Variants in CNKSR2 observed in about 807,000 individuals in gnomAD.
CNKSR2 encodes the protein CNK homolog protein 2.
A neutral mutation model predicts 84.4 loss-of-function variants in CNKSR2; 14 were observed. The ratio of observed to expected loss-of-function variants is 0.17; its 90% CI spans 0.11 to 0.26. The LOEUF (loss-of-function observed/expected upper bound fraction) is 0.26. Among genes scored for constraint, CNKSR2 ranks in the 10% least tolerant of loss-of-function variants. The pLI, the probability that CNKSR2 is intolerant of heterozygous loss-of-function variation, is 1.00. For missense variants in CNKSR2, 485 were observed against 771.2 expected, an observed-to-expected ratio of 0.63 and a Z score of 4.40; for synonymous variants, 275 against 277.9, an observed-to-expected ratio of 0.99 and a Z score of 0.10.
At chrX:21,387,077 A>G (rs918016255) in intron 1 of CNKSR2, among the ~76,000 whole-genome samples, 3 of 112,547 alleles carry the variant, frequency 2.7e-5, no homozygotes, top group Admixed American at 9.4e-5. Flanking sequence ...TTTAAGATGT[A>G]TCTGATTTAA....
At chrX:21,423,651 CAG>C (rs1408971007) in intron 1 of CNKSR2, 1 of 111,484 alleles carries the variant, frequency 9.0e-6, no homozygotes. Flanking sequence ...ACATAAAGAA[CAG>C]GGGTTTCTCA....
intron 4 of CNKSR2, among the ~76,000 whole-genome samples, chrX:21,461,439 C>T (rs1297864282): frequency 9.0e-6 from 1 of 111,456 alleles, no homozygotes. Context: ...TTATTAATTG[C>T]TTGTCAGATG....
Position 21,653,695 on chromosome X carries a change from T to C in CNKSR2, c.*1174T>C, listed in dbSNP as rs551766795. The stretch of plus-strand genomic sequence containing the variant: ...TTCATGAATTGTTCTATAGAGTGGA[T>C]GAAGTCTAAGGAAAAGTCCTCTTCA... On this transcript the variant is annotated 3_prime_UTR_variant, in exon 22 of 22. Coordinates refer to ENST00000379510, the MANE Select transcript of CNKSR2 (RefSeq NM_014927.5). The C allele has an allele frequency of 2.7e-5, 3 of 111,044 alleles. No homozygotes were observed. In the South Asian group the frequency reaches 1.1e-3, roughly 42 times the overall value. 9.2% of individuals were successfully genotyped at this position (111,044 alleles called of 1,213,427 possible).
rs766395797 is a variant in CNKSR2 at position 21,642,383 on chromosome X, T to G, written c.2693-6448T>G. 7.1e-4 allele frequency: 537 copies of G among 751,738 alleles called. 1 individual carries two copies. Among genetic ancestry groups the G allele is most frequent in the Non-Finnish European group, 8.1e-4 (515 of 638,426 alleles). 62.0% of individuals were successfully genotyped at this position (751,738 alleles called of 1,213,427 possible). On this transcript the variant is annotated intron_variant, in intron 20 of 21. Coordinates refer to ENST00000379510, the MANE Select transcript of CNKSR2 (RefSeq NM_014927.5). The stretch of plus-strand genomic sequence containing the variant: ...TGAGCTATTCTTTTCTGTAAAATAT[T>G]TTGAATCTATAGGCTGTGGGTTTCA...
intron 20 of CNKSR2, chrX:21,645,517 A>G (rs769084519): frequency 8.9e-6 from 1 of 112,050 alleles, no homozygotes; most frequent in Non-Finnish European, 1.9e-5. Flanking sequence ...GAAGGTTCCT[A>G]TATATGTCCT....
intron 13 of CNKSR2, among the ~76,000 whole-genome samples, chrX:21,583,334 T>C (rs771534662): frequency 5.2e-4 from 58 of 112,043 alleles, no homozygotes; most frequent in African/African-American, 1.8e-3. Context: ...TGGAAATTTT[T>C]TGACTTAATA....
At chrX:21,377,597 A>G (rs2089837549) in intron 1 of CNKSR2, among the ~76,000 whole-genome samples, 1 of 111,916 alleles carries the variant, frequency 8.9e-6, no homozygotes. Flanking sequence ...CATTAAAAGC[A>G]TATAGTATAT....
chrX:21,374,630 A>AGCCGCAGCAGCAGCC lies in CNKSR2; in HGVS notation c.-263_-262insAGCAGCAGCCGCCGC. 2.2e-6 allele frequency: 1 copy of AGCCGCAGCAGCAGCC among 448,647 alleles called. No homozygotes were observed. Among genetic ancestry groups the AGCCGCAGCAGCAGCC allele is most frequent in the Admixed American group, 3.0e-5 (1 of 33,459 alleles). The allele number at this position is 448,647 out of a possible 1,213,427, so 37.0% of individuals were successfully genotyped here. On this transcript the variant is annotated 5_prime_UTR_variant, in exon 1 of 22. Coordinates refer to ENST00000379510, the MANE Select transcript of CNKSR2 (RefSeq NM_014927.5). Reference sequence around the variant, plus strand: ...CAGCAGCAGCAGCAGCAGCAGCAGCAGCCGCCGCCGCCGCCGCCTTAGCGG... The same window carrying AGCCGCAGCAGCAGCC: ...CAGCAGCAGCAGCAGCAGCAGCAGCAGCCGCAGCAGCAGCCGCCGCCGCCGCCGCCGCCTTAGCGG...
intron 20 of CNKSR2, among the ~76,000 whole-genome samples, chrX:21,632,127 T>A (rs933649536): frequency 5.4e-5 from 6 of 112,063 alleles, no homozygotes; most frequent in African/African-American, 1.6e-4. Context: ...TTGATATGGG[T>A]ATCTGTAACC....
At chrX:21,492,230 A>AT (rs775939849) in intron 6 of CNKSR2, 57 of 111,510 alleles carry the variant, frequency 5.1e-4, no homozygotes, top group Non-Finnish European at 1.0e-3. Flanking sequence ...TGAAATCTTG[A>AT]TTTTTTAAGG....
At chrX:21,391,020 A>G (rs1220955401) in intron 1 of CNKSR2, among the ~76,000 whole-genome samples, 2 of 112,036 alleles carry the variant, frequency 1.8e-5, no homozygotes, top group Admixed American at 9.4e-5. Flanking sequence ...ACCTCCCTTG[A>G]CTCCATGTCT....
chrX:21,498,017 C>CT (rs1286281096), intron 7 of CNKSR2, among the ~76,000 whole-genome samples, 171 bp downstream of exon 7: 218 of 109,500 alleles, frequency 2.0e-3, no homozygotes, highest in African/African-American at 6.5e-3. Flanking sequence ...TCAAATTTCC[C>CT]TTTTTTTTTG....
chrX:21,384,198 C>A (rs1397216922), intron 1 of CNKSR2, among the ~76,000 whole-genome samples: 1 of 111,641 alleles, frequency 9.0e-6, no homozygotes, highest in Non-Finnish European at 1.9e-5. Flanking sequence ...CCTGCTGGAA[C>A]TTACGTAGAA....
intron 13 of CNKSR2, among the ~76,000 whole-genome samples, chrX:21,572,049 A>C (rs1298508516): frequency 1.8e-5 from 2 of 112,531 alleles, no homozygotes; most frequent in African/African-American, 6.5e-5. Context: ...AGTACACTAA[A>C]TATTATCATA....
chrX:21,572,159 T>C (rs187493136), intron 13 of CNKSR2, among the ~76,000 whole-genome samples: 91 of 112,608 alleles, frequency 8.1e-4, no homozygotes, highest in Non-Finnish European at 1.5e-4. Flanking sequence ...GTCTGTACTA[T>C]GAAAAGTATT....
chrX:21,628,306 T>C (rs898358847), intron 20 of CNKSR2, among the ~76,000 whole-genome samples: 1 of 111,457 alleles, frequency 9.0e-6, no homozygotes. Flanking sequence ...CTGCAGCTTT[T>C]CCAGGCTCAC....
At chrX:21,480,528 G>A (rs992024164) in intron 5 of CNKSR2, among the ~76,000 whole-genome samples, 2 of 111,472 alleles carry the variant, frequency 1.8e-5, no homozygotes, top group African/African-American at 6.5e-5. Flanking sequence ...CATCTTCTTC[G>A]GAACCTGCCA....
intron 9 of CNKSR2, among the ~76,000 whole-genome samples, chrX:21,525,849 A>C (rs191051193): frequency 2.1e-3 from 239 of 111,339 alleles, no homozygotes; most frequent in African/African-American, 7.3e-3. Flanking sequence ...GTGAAGATAC[A>C]GTTCATTTGT....
intron 9 of CNKSR2, among the ~76,000 whole-genome samples, chrX:21,517,306 G>A (rs2091737347): frequency 1.8e-5 from 2 of 110,340 alleles, no homozygotes; most frequent in South Asian, 3.9e-4. Context: ...GATCATGTAA[G>A]CCCAGGAGTA....
Sources: gnomAD v4.1 joint callset for allele counts (sites outside exome capture counted in the v4.1 genomes callset) on GRCh38, gnomAD v4.1.1 for gene constraint, MANE v1.5 for transcripts, NCBI Gene and HGNC (gene_info 2026-07-23, HGNC 2026-07-21) for gene names.